The following JAM3 variants were observed in gnomAD, a reference collection of about 807,000 sequenced individuals.
The protein encoded by JAM3 is junctional adhesion molecule C.
JAM3 carries 31 observed loss-of-function variants against 39.4 expected under a neutral mutation model. That is an observed-to-expected ratio of 0.79 (90% CI 0.59 to 1.06). The LOEUF (loss-of-function observed/expected upper bound fraction) is 1.06. Among genes scored for constraint, JAM3 ranks in the 50% least tolerant of loss-of-function variants. The pLI, the probability that JAM3 is intolerant of heterozygous loss-of-function variation, is 0.00. For missense variants in JAM3, 455 were observed against 391.4 expected (o/e 1.16, Z -1.37); for synonymous variants, 182 against 148.7 (o/e 1.22, Z -1.63).
chr11:134,109,518 A>T (rs929515189), intron 1 of JAM3, among the ~76,000 whole-genome samples: 1 of 152,254 alleles, frequency 6.6e-6, no homozygotes, highest in Non-Finnish European at 1.5e-5. Context: ...TTTACTTATC[A>T]ACTATGGCTG....
chr11:134,075,600 A>T (rs1026100753), intron 1 of JAM3, among the ~76,000 whole-genome samples: 12 of 151,910 alleles, frequency 7.9e-5, no homozygotes, highest in Non-Finnish European at 1.2e-4. Context: ...TTTTTTGAAC[A>T]TTTTTTTGTA....
intron 1 of JAM3, among the ~76,000 whole-genome samples, chr11:134,090,555 G>A (rs958469300): frequency 6.6e-6 from 1 of 152,184 alleles, no homozygotes; most frequent in South Asian, 2.1e-4. Context: ...TGATAGGTAG[G>A]AAAGCTTCAA....
chr11:134,117,219 T>C (rs531063071), intron 1 of JAM3, among the ~76,000 whole-genome samples: 3 of 151,694 alleles, frequency 2.0e-5, no homozygotes, highest in African/African-American at 4.8e-5. Context: ...AAAAATAAAA[T>C]AAAATAAAAT....
At chr11:134,149,060 A>G (rs1943139109) in intron 8 of JAM3, 86 bp from the exon 9 acceptor site, 8 of 1,477,902 alleles carry the variant, frequency 5.4e-6, no homozygotes, top group Middle Eastern at 1.7e-4. Flanking sequence ...TTCCATCTGT[A>G]TTTAGCCCAT....
At chr11:134,099,906 G>GCTTC (rs1455915381) in intron 1 of JAM3, among the ~76,000 whole-genome samples, 2 of 152,202 alleles carry the variant, frequency 1.3e-5, no homozygotes, top group African/African-American at 2.4e-5. Context: ...CGCCCGGCTT[G>GCTTC]CTTCCTTTAT....
chr11:134,091,329 A>G (rs1941846742), intron 1 of JAM3, among the ~76,000 whole-genome samples: 1 of 152,016 alleles, frequency 6.6e-6, no homozygotes, highest in South Asian at 2.1e-4. Flanking sequence ...CCCTGTCTCT[A>G]CTAAAAATTA....
At position 134,145,964 on chromosome 11, in the gene JAM3, A is replaced by C; in HGVS notation, c.631A>C (p.Lys211Gln). The C allele has an allele frequency of 6.2e-7, 1 of 1,613,650 alleles. No individual in the cohort carries two copies. Among genetic ancestry groups the C allele is most frequent in the South Asian group, 1.1e-5 (1 of 91,066 alleles). Residue 211 changes from lysine (K) to glutamine (Q), a missense_variant, in exon 6 of 9, where the codon AAG (lysine) becomes CAG (glutamine). Lys to Gln is a moderately conservative substitution (Grantham distance 53, BLOSUM62 1). Transcript: ENST00000299106. ...GAAACAGGTGTTCACTGCTGTTCAC[A>C]AGGACGACTCTGGGCAGTACTACTG... ...TGTLVFTAVH[K>Q]DDSGQYYCIA...
intron 1 of JAM3, among the ~76,000 whole-genome samples, chr11:134,117,803 T>C (rs1028426858): frequency 2.0e-5 from 3 of 152,174 alleles, no homozygotes; most frequent in African/African-American, 7.2e-5. Flanking sequence ...AGCTCATCCA[T>C]TCAGATTCTG....
chr11:134,114,299 G>T (rs1324337934), intron 1 of JAM3, among the ~76,000 whole-genome samples: 1 of 152,162 alleles, frequency 6.6e-6, no homozygotes, highest in Non-Finnish European at 1.5e-5. Context: ...TTTTCTTCTA[G>T]GGTTTTTATG....
chr11:134,098,445 TA>T (rs1942021683), intron 1 of JAM3, among the ~76,000 whole-genome samples: 2 of 152,144 alleles, frequency 1.3e-5, no homozygotes, highest in Non-Finnish European at 2.9e-5. Context: ...TTTGCAAAAT[TA>T]GTTTTAATCA....
chr11:134,140,579 G>A (rs1942955800), intron 2 of JAM3, 78 bp from the exon 3 acceptor site: 1 of 1,167,868 alleles, frequency 8.6e-7, no homozygotes, highest in Non-Finnish European at 1.3e-6. Context: ...TTGAATTAGA[G>A]CTTGCAGGGT....
intron 1 of JAM3, among the ~76,000 whole-genome samples, chr11:134,117,553 TC>T (rs1942460954): frequency 6.6e-6 from 1 of 152,206 alleles, no homozygotes; most frequent in Non-Finnish European, 1.5e-5. Flanking sequence ...CACCACCCCT[TC>T]CACTTTCCTT....
At chr11:134,092,288 A>G (rs1565485404) in intron 1 of JAM3, among the ~76,000 whole-genome samples, 3 of 151,818 alleles carry the variant, frequency 2.0e-5, no homozygotes, top group Admixed American at 6.6e-5. Flanking sequence ...CTCCTTATTC[A>G]TCATGTTCCA....
chr11:134,117,745 C>G (rs1044178026), intron 1 of JAM3, among the ~76,000 whole-genome samples: 3 of 152,154 alleles, frequency 2.0e-5, no homozygotes, highest in African/African-American at 7.2e-5. Context: ...ATGCAATGGT[C>G]TTTGATAGGT....
chr11:134,089,906 C>G (rs1591774476), intron 1 of JAM3, among the ~76,000 whole-genome samples: 1 of 152,320 alleles, frequency 6.6e-6, no homozygotes, highest in Non-Finnish European at 1.5e-5. Context: ...AATGATTGAA[C>G]TAGTTTACAG....
At chr11:134,148,393 G>A (rs573885020) in intron 6 of JAM3, 154 bp from the exon 7 acceptor site, 2 of 822,824 alleles carry the variant, frequency 2.4e-6, no homozygotes, top group South Asian at 2.9e-5. Flanking sequence ...TAGGCTAGAA[G>A]GATTGTAAGT....
rs1002570638 is a variant in JAM3, at chr11:134,072,993, G to A, written c.76+3834G>A. Among the ~76,000 whole-genome samples, 3 of 152,206 alleles carry A rather than the reference G, an allele frequency of 2.0e-5. No individual in the cohort carries two copies. In the East Asian group the frequency reaches 5.8e-4, roughly 29 times the overall value. On this transcript the variant is annotated intron_variant, in intron 1 of 8. Transcript: ENST00000299106. ...GAATGCAAATTTCAGATCTTTGCAT[G>A]TACTCTCAGAATTCTAGCAGTATAT...
chr11:134,145,882 G>A, intron 5 of JAM3, 64 bp from the exon 6 acceptor site: 1 of 1,060,974 alleles, frequency 9.4e-7, no homozygotes, highest in South Asian at 1.3e-5. Flanking sequence ...GACCCAGCTG[G>A]CTGTGCTCTC....
chr11:134,125,118 C>G (rs1471749743), intron 1 of JAM3, among the ~76,000 whole-genome samples: 2 of 152,220 alleles, frequency 1.3e-5, no homozygotes, highest in Non-Finnish European at 2.9e-5. Context: ...ACGGCCGCCG[C>G]CACTGCTGCT....
Sources: gnomAD v4.1 joint callset for allele counts (sites outside exome capture counted in the v4.1 genomes callset) on GRCh38, gnomAD v4.1.1 for gene constraint, MANE v1.5 for transcripts, NCBI Gene and HGNC (gene_info 2026-07-23, HGNC 2026-07-21) for gene names.